CDH8: variants seen among roughly 807,000 people sequenced by gnomAD.
The protein encoded by CDH8 is cadherin 8, also known as cadherin-8.
A neutral mutation model predicts 68.1 loss-of-function variants in CDH8; 17 were observed. The observed-to-expected ratio is 0.25, with a 90% CI of 0.17 to 0.37. CDH8 has a LOEUF of 0.37. CDH8 is among the 10% of genes least tolerant of loss of function. The probability of loss-of-function intolerance (pLI) is 1.00; values close to 1 mark genes in which losing one functional copy is unlikely to be tolerated. For synonymous variants in CDH8, 372 were observed against 365.1 expected (o/e 1.02, Z -0.21); for missense variants, 763 against 999.3 (o/e 0.76, Z 3.19).
chr16:61,732,939 G>C (rs1959576404), intron 8 of CDH8, among the ~76,000 whole-genome samples: 1 of 151,682 alleles, frequency 6.6e-6, no homozygotes, highest in Middle Eastern at 3.4e-3. Context: ...AATTCAAATC[G>C]ACAGGAACAA....
intron 2 of CDH8, chr16:61,940,658 C>G (rs755629086): frequency 2.0e-5 from 3 of 152,294 alleles, no homozygotes; most frequent in Non-Finnish European, 2.9e-5. Context: ...TCCTCGGCCT[C>G]CCAAAGTTCT....
rs767063470 is a variant in CDH8, at chr16:61,713,941, G to A, written c.1554C>T (p.Ser518=). The A allele has an allele frequency of 1.2e-5, 20 of 1,603,370 alleles. No homozygotes were observed. The highest frequency in any genetic ancestry group is 2.2e-5 in the East Asian group (1 of 44,722). The change falls in exon 10 of 12, where the codon AGC becomes AGT. Residue 518 remains serine, a synonymous_variant. Coordinates refer to ENST00000577390, the MANE Select transcript of CDH8 (RefSeq NM_001796.5). ...TTTTGGGATCATCTTTGTCCATGGC[G>A]CTAACAGTTTGAATGACCTGAAACA... ...GKPGQVIQTV[S]AMDKDDPKNG...
chr16:61,734,845 C>A (rs1168638517), intron 8 of CDH8, among the ~76,000 whole-genome samples: 2 of 151,958 alleles, frequency 1.3e-5, no homozygotes, highest in Non-Finnish European at 2.9e-5. Flanking sequence ...CTAGGGCTGC[C>A]ATGACAAATT....
Position 61,651,426 on chromosome 16 carries a change from G to T in CDH8, c.*2182C>A, listed in dbSNP as rs550631510. ...TCAATAAAAAGTTGATTAAGCCACC[G>T]GATAGTTATAAATTGTTAGTATAGT... On this transcript the variant is annotated 3_prime_UTR_variant, in exon 12 of 12. Transcript: ENST00000577390. The T allele has an allele frequency of 6.6e-6, 1 of 152,120 alleles. No homozygotes were observed. The highest frequency in any genetic ancestry group is 2.4e-5 in the African/African-American group (1 of 41,414). 9.4% of individuals were successfully genotyped at this position (152,120 alleles called of 1,614,324 possible). A position where few individuals can be genotyped will look rare whatever the true frequency, so the allele number is the denominator to read the frequency against.
intron 9 of CDH8, among the ~76,000 whole-genome samples, chr16:61,715,262 A>G (rs1156719814): frequency 1.3e-5 from 2 of 151,634 alleles, no homozygotes; most frequent in African/African-American, 4.8e-5. Context: ...AACATAAAAT[A>G]ATTTAAAGTA....
At chr16:61,977,188 G>T (rs112613109) in intron 2 of CDH8, among the ~76,000 whole-genome samples, 3 of 152,100 alleles carry the variant, frequency 2.0e-5, no homozygotes. Context: ...TCTGAGAAAT[G>T]CTGGAATGCC....
intron 2 of CDH8, among the ~76,000 whole-genome samples, chr16:61,931,327 C>T (rs1292717873): frequency 1.3e-5 from 2 of 152,018 alleles, no homozygotes; most frequent in African/African-American, 4.8e-5. Context: ...CCATGCACAG[C>T]TAATTTTTAA....
At chr16:61,993,735 T>C (rs1275128013) in intron 2 of CDH8, among the ~76,000 whole-genome samples, 3 of 152,112 alleles carry the variant, frequency 2.0e-5, no homozygotes, top group South Asian at 2.1e-4. Flanking sequence ...CTTGTTCATT[T>C]GTCTATACCC....
Position 61,825,124 on chromosome 16 carries a change from C to A in CDH8, c.723G>T (p.Leu241=), listed in dbSNP as rs747731618. Residue 241 remains leucine, a synonymous_variant, in exon 5 of 12, where the codon CTG becomes CTT. Transcript: ENST00000577390. ...NMDREAKEEY[L]VVIQAKDMGG... is the part of the protein sequence containing the mutation. ...CCATATCTTTGGCTTGGATAACAACCAGGTACTCCTCCTTGGCTTCTCTGT... is the reference window on the plus strand; with the variant it reads ...CCATATCTTTGGCTTGGATAACAACAAGGTACTCCTCCTTGGCTTCTCTGT... The A allele has an allele frequency of 6.2e-7, 1 of 1,611,892 alleles. No individual in the cohort carries two copies. The highest frequency in any genetic ancestry group is 8.5e-7 in the Non-Finnish European group (1 of 1,178,642).
intron 3 of CDH8, among the ~76,000 whole-genome samples, chr16:61,890,108 G>A (rs984004343): frequency 6.6e-6 from 1 of 152,190 alleles, no homozygotes; most frequent in African/African-American, 2.4e-5. Context: ...GAGAACAGAA[G>A]AGTAGGGTGC....
At chr16:62,033,944 A>G (rs1347983530) in intron 1 of CDH8, among the ~76,000 whole-genome samples, 1 of 152,188 alleles carries the variant, frequency 6.6e-6, no homozygotes, top group Admixed American at 6.5e-5. Context: ...CGAGCTTCAA[A>G]TCTGCTAAAG....
intron 4 of CDH8, among the ~76,000 whole-genome samples, chr16:61,849,880 AC>A (rs894120361): frequency 6.6e-6 from 1 of 152,164 alleles, no homozygotes; most frequent in African/African-American, 2.4e-5. Flanking sequence ...TTAAATACAA[AC>A]AAAAATAACA....
At chr16:61,982,492 T>A (rs186992253) in intron 2 of CDH8, among the ~76,000 whole-genome samples, 280 of 152,336 alleles carry the variant, frequency 1.8e-3, no homozygotes, top group African/African-American at 6.5e-3. Context: ...GTGCTGGGAT[T>A]ACAGGCGTGA....
At chr16:61,729,755 C>A (rs1302833305) in intron 8 of CDH8, among the ~76,000 whole-genome samples, 1 of 151,280 alleles carries the variant, frequency 6.6e-6, no homozygotes, top group Non-Finnish European at 1.5e-5. Flanking sequence ...GTGATTAGCA[C>A]AGGCTTAATA....
intron 10 of CDH8, among the ~76,000 whole-genome samples, chr16:61,674,409 G>A (rs145313963): frequency 0.033 from 4,986 of 150,406 alleles, 284 homozygotes; most frequent in African/African-American, 0.12. Context: ...AGCCGAGATC[G>A]TGCCACTGCA....
intron 3 of CDH8, among the ~76,000 whole-genome samples, chr16:61,880,199 T>C (rs1180889114): frequency 1.3e-5 from 2 of 152,090 alleles, no homozygotes; most frequent in African/African-American, 4.8e-5. Context: ...GCTGGTATTA[T>C]AGGTGTAAGC....
At chr16:61,799,492 T>C (rs1045314579) in intron 7 of CDH8, among the ~76,000 whole-genome samples, 9 of 152,152 alleles carry the variant, frequency 5.9e-5, no homozygotes, top group Non-Finnish European at 1.5e-5. Context: ...CATTATAGAC[T>C]TTCTTGTCTC....
At chr16:61,665,956 T>G (rs760456497) in intron 10 of CDH8, among the ~76,000 whole-genome samples, 1 of 151,598 alleles carries the variant, frequency 6.6e-6, no homozygotes, top group African/African-American at 2.4e-5. Context: ...CAGTCAGCCA[T>G]AGTCTGAAAC....
chr16:61,898,900 T>A (rs1399051210), intron 3 of CDH8, among the ~76,000 whole-genome samples: 1 of 122,582 alleles, frequency 8.2e-6, no homozygotes, highest in South Asian at 2.6e-4. Context: ...TTCATGAAAG[T>A]AATTAGTTTG....
Sources: gnomAD v4.1 joint callset for allele counts (sites outside exome capture counted in the v4.1 genomes callset) on GRCh38, gnomAD v4.1.1 for gene constraint, MANE v1.5 for transcripts, NCBI Gene and HGNC (gene_info 2026-07-23, HGNC 2026-07-21) for gene names.